Variants in ZBTB16 observed in about 807,000 individuals in gnomAD.
ZBTB16 encodes the protein zinc finger and BTB domain containing 16, also known as zinc finger and BTB domain-containing protein 16.
ZBTB16 carries 8 observed loss-of-function variants against 56.8 expected under a neutral mutation model. That is an observed-to-expected ratio of 0.14 (90% CI 0.08 to 0.25). The LOEUF is 0.25. ZBTB16 is among the 10% of genes least tolerant of loss of function. ZBTB16 has a pLI of 1.00. For missense variants in ZBTB16, 625 were observed against 903.0 expected, an observed-to-expected ratio of 0.69 and a Z score of 3.95; for synonymous variants, 363 against 368.5, an observed-to-expected ratio of 0.98 and a Z score of 0.17.
chr11:114,148,412 C>T (rs1407927453), intron 2 of ZBTB16, among the ~76,000 whole-genome samples: 464 of 15,286 alleles, frequency 0.03, 7 homozygotes, highest in Non-Finnish European at 0.051. Context: ...TCCCTCCCTC[C>T]CTCCCTCCCT....
At chr11:114,174,352 C>T (rs1291137245) in intron 3 of ZBTB16, among the ~76,000 whole-genome samples, 2 of 151,502 alleles carry the variant, frequency 1.3e-5, no homozygotes, top group Non-Finnish European at 2.9e-5. Context: ...GCTATGAGAC[C>T]TTGGGCAAGA....
chr11:114,098,379 G>GT (rs778285474), intron 2 of ZBTB16, among the ~76,000 whole-genome samples: 33 of 152,250 alleles, frequency 2.2e-4, no homozygotes, highest in Non-Finnish European at 4.0e-4. Flanking sequence ...CTGAAAAAGC[G>GT]TAAGTTTGGC....
At chr11:114,171,411 C>T (rs1942964247) in intron 3 of ZBTB16, among the ~76,000 whole-genome samples, 1 of 152,226 alleles carries the variant, frequency 6.6e-6, no homozygotes, top group Non-Finnish European at 1.5e-5. Context: ...GCTCAGTGGG[C>T]TGGGAAGGGC....
chr11:114,074,606 C>T (rs932374162), intron 2 of ZBTB16, among the ~76,000 whole-genome samples: 3 of 152,154 alleles, frequency 2.0e-5, no homozygotes, highest in Admixed American at 6.5e-5. Flanking sequence ...TGTTTCTTGC[C>T]GATGTACCTT....
intron 3 of ZBTB16, among the ~76,000 whole-genome samples, chr11:114,166,520 G>A (rs976019034): frequency 6.6e-6 from 1 of 152,092 alleles, no homozygotes; most frequent in African/African-American, 2.4e-5. Flanking sequence ...TTGAGAAGAA[G>A]CATTTACATG....
intron 2 of ZBTB16, among the ~76,000 whole-genome samples, chr11:114,106,012 A>G (rs1940775224): frequency 6.6e-6 from 1 of 152,210 alleles, no homozygotes; most frequent in South Asian, 2.1e-4. Flanking sequence ...TTTACACATG[A>G]CGGCTTTTAA....
At chr11:114,100,069 G>T (rs993678007) in intron 2 of ZBTB16, among the ~76,000 whole-genome samples, 7 of 152,202 alleles carry the variant, frequency 4.6e-5, no homozygotes, top group Non-Finnish European at 8.8e-5. Flanking sequence ...TTGAGTTGGT[G>T]CCCTGCACTG....
At chr11:114,112,779 T>A (rs1941056955) in intron 2 of ZBTB16, among the ~76,000 whole-genome samples, 1 of 127,264 alleles carries the variant, frequency 7.9e-6, no homozygotes, top group African/African-American at 3.1e-5. Context: ...TTTTTTTTTT[T>A]AAGACAGGGT....
chr11:114,186,302 G>A (rs997737262), intron 3 of ZBTB16, among the ~76,000 whole-genome samples: 2 of 152,144 alleles, frequency 1.3e-5, no homozygotes, highest in African/African-American at 2.4e-5. Flanking sequence ...CAGGCAGCCC[G>A]CGTGGTTCAG....
intron 2 of ZBTB16, among the ~76,000 whole-genome samples, chr11:114,118,523 C>T (rs970001932): frequency 6.6e-6 from 1 of 152,064 alleles, no homozygotes; most frequent in African/African-American, 2.4e-5. Context: ...ATCTGTTTAT[C>T]TATTTATTTG....
Position 114,063,836 on chromosome 11 carries a change from C to T in ZBTB16, c.536C>T (p.Pro179Leu), listed in dbSNP as rs1203759033. 6.2e-7 allele frequency: 1 copy of T among 1,614,110 alleles called. No individual in the cohort carries two copies. The highest frequency in any genetic ancestry group is 1.7e-5 in the Admixed American group (1 of 60,030). Reference protein sequence around the residue: ...ASVAGQSLPGPMVDQSPSVST... With the variant: ...ASVAGQSLPGLMVDQSPSVST... ...GTGGCTGGACAGAGCCTCCCTGGGC[C>T]CATGGTGGACCAGAGCCCTTCAGTC... The change falls in exon 2 of 7, where the codon CCC becomes CTC. Residue 179 changes from proline (P) to leucine (L), a missense_variant. Coordinates refer to ENST00000335953, the MANE Select transcript of ZBTB16 (RefSeq NM_006006.6). The surrounding 1 kb of genome is among the most constrained non-coding windows in gnomAD (Gnocchi z 6.5).
At chr11:114,148,353 C>T (rs1942168467) in intron 2 of ZBTB16, among the ~76,000 whole-genome samples, 1 of 138,332 alleles carries the variant, frequency 7.2e-6, no homozygotes, top group Non-Finnish European at 1.6e-5. Flanking sequence ...TCCTTCCTTC[C>T]TTCCTTCCTT....
chr11:114,256,244 C>A lies in ZBTB16; in HGVS notation c.*5689C>A, dbSNP rs1945012353. 6.6e-6 allele frequency among the ~76,000 whole-genome samples: 1 copy of A among 152,160 alleles called. No individual in the cohort carries two copies. Among genetic ancestry groups the A allele is most frequent in the Non-Finnish European group, 1.5e-5 (1 of 68,026 alleles). On this transcript the variant is annotated 3_prime_UTR_variant, in exon 7 of 7. Transcript: ENST00000335953. Reference sequence around the variant, plus strand: ...GTTAAATACGTTAATATCGTATGATCCTTGGTACAATGTGCTAGGTAGGCA... The same window carrying A: ...GTTAAATACGTTAATATCGTATGATACTTGGTACAATGTGCTAGGTAGGCA...
In ZBTB16 at chr11:114,148,469, CTCTTTCTTTCTT is replaced by C. The variant is rs1555144000; in HGVS notation, c.1269-7851_1269-7840del. On this transcript the variant is annotated intron_variant, in intron 2 of 6. Transcript: ENST00000335953. ...TCTCTGTCTGTCTGTCTCTCTCTCTCTCTTTCTTTCTTTCTTTCTTTCTTTCTTCTTTCTTCC... is the reference window on the plus strand; with the variant it reads ...TCTCTGTCTGTCTGTCTCTCTCTCTCTCTTTCTTTCTTTCTTCTTTCTTCC... Among the ~76,000 whole-genome samples, 36 of 60,970 alleles carry C rather than the reference CTCTTTCTTTCTT, an allele frequency of 5.9e-4. 3 individuals carry two copies. Among genetic ancestry groups the C allele is most frequent in the African/African-American group, 1.8e-3 (34 of 18,410 alleles). 40.0% of individuals were successfully genotyped at this position (60,970 alleles called of 152,430 possible).
intron 2 of ZBTB16, among the ~76,000 whole-genome samples, chr11:114,068,108 A>G (rs1258029624): frequency 6.6e-6 from 1 of 151,370 alleles, no homozygotes; most frequent in Admixed American, 6.6e-5. Context: ...CCAGGAAGCC[A>G]TGGCATTCAC....
intron 2 of ZBTB16, among the ~76,000 whole-genome samples, chr11:114,141,807 A>G (rs1006045131): frequency 3.9e-5 from 6 of 152,250 alleles, no homozygotes; most frequent in Admixed American, 2.6e-4. Flanking sequence ...TCAGAAAGAA[A>G]TAGAAATAAA....
At chr11:114,152,843 A>T in intron 2 of ZBTB16, among the ~76,000 whole-genome samples, 1 of 152,204 alleles carries the variant, frequency 6.6e-6, no homozygotes, top group East Asian at 1.9e-4. Context: ...ATAATCTCAG[A>T]TGGCCACGTG....
At chr11:114,150,712 A>G (rs932391316) in intron 2 of ZBTB16, among the ~76,000 whole-genome samples, 1 of 152,224 alleles carries the variant, frequency 6.6e-6, no homozygotes, top group African/African-American at 2.4e-5. Context: ...CTAAGGAGGA[A>G]GAGTGAGCCC....
At chr11:114,175,796 TC>T (rs1943094830) in intron 3 of ZBTB16, among the ~76,000 whole-genome samples, 1 of 151,814 alleles carries the variant, frequency 6.6e-6, no homozygotes, top group Admixed American at 6.6e-5. Flanking sequence ...TTAAAATACC[TC>T]CAATGAGGTA....
Sources: allele counts gnomAD v4.1 joint callset (sites outside exome capture counted in the v4.1 genomes callset), GRCh38; gene constraint gnomAD v4.1.1; non-coding constraint Gnocchi (gnomAD v3.1); transcripts MANE v1.5; gene names NCBI Gene and HGNC (gene_info 2026-07-23, HGNC 2026-07-21).